Variants in CACNA1E observed in about 807,000 individuals in gnomAD.
CACNA1E encodes voltage-dependent R-type calcium channel subunit alpha-1E.
CACNA1E carries 40 observed loss-of-function variants against 259.2 expected under a neutral mutation model. The ratio of observed to expected loss-of-function variants is 0.15; its 90% CI spans 0.12 to 0.20. The LOEUF (loss-of-function observed/expected upper bound fraction) is 0.20, where lower values mean the gene tolerates loss of function less well. Ranked by LOEUF, CACNA1E falls within the 10% of genes least tolerant of loss-of-function variation. CACNA1E has a pLI of 1.00. For missense variants in CACNA1E, 1,874 were observed against 3,040.1 expected (o/e 0.62, Z 9.02); for synonymous variants, 1,104 against 1,138.5 (o/e 0.97, Z 0.61).
chr1:181,326,024 G>A (rs937538334), intron 1 of CACNA1E, among the ~76,000 whole-genome samples: 8 of 152,162 alleles, frequency 5.3e-5, no homozygotes, highest in African/African-American at 1.2e-4. Context: ...CTCCGCCGCC[G>A]GTTTCCTTGG....
chr1:181,353,870 T>C (rs1167702245), intron 1 of CACNA1E, among the ~76,000 whole-genome samples: 1 of 152,208 alleles, frequency 6.6e-6, no homozygotes, highest in Non-Finnish European at 1.5e-5. Context: ...AAGACCATTC[T>C]TACTCACAGG....
At chr1:181,572,471 G>A (rs146963002) in intron 3 of CACNA1E, among the ~76,000 whole-genome samples, 26 of 152,324 alleles carry the variant, frequency 1.7e-4, no homozygotes, top group Non-Finnish European at 2.6e-4. Flanking sequence ...ACTTGACTGT[G>A]TGCAGAACAT....
Position 181,738,402 on chromosome 1 carries a change from G to T in CACNA1E, c.3588G>T (p.Val1196=), listed in dbSNP as rs1344508592. 2.5e-6 allele frequency: 4 copies of T among 1,613,930 alleles called. No individual in the cohort carries two copies. Among genetic ancestry groups the T allele is most frequent in the East Asian group, 2.2e-5 (1 of 44,886 alleles). Residue 1196 remains valine, a synonymous_variant, in exon 24 of 48, where the codon GTG becomes GTT. Coordinates refer to ENST00000367573, the MANE Select transcript of CACNA1E (RefSeq NM_001205293.3). ...LRYFDYVFTG[V]FTFEMVIKMI... is the part of the protein sequence containing the mutation. ...ATTTTGACTATGTGTTCACGGGCGT[G>T]TTCACCTTTGAGATGGTTATAAAGG...
chr1:181,508,591 C>T (rs1265584646), intron 1 of CACNA1E, among the ~76,000 whole-genome samples: 2 of 152,162 alleles, frequency 1.3e-5, no homozygotes, highest in Admixed American at 6.5e-5. Flanking sequence ...GGTTGCTCTG[C>T]ATTTTTTCAG....
intron 28 of CACNA1E, among the ~76,000 whole-genome samples, chr1:181,755,716 T>C (rs1658030778): frequency 6.6e-6 from 1 of 152,222 alleles, no homozygotes; most frequent in East Asian, 1.9e-4. Flanking sequence ...TTTAAGCAAG[T>C]TGCTCAAGGT....
intron 3 of CACNA1E, among the ~76,000 whole-genome samples, chr1:181,552,236 T>C (rs1423550949): frequency 6.6e-6 from 1 of 152,174 alleles, no homozygotes; most frequent in Admixed American, 6.5e-5. Flanking sequence ...CCTCACACCC[T>C]TGGCTGATAC....
chr1:181,497,861 A>G (rs970469438), intron 1 of CACNA1E, among the ~76,000 whole-genome samples: 2 of 152,306 alleles, frequency 1.3e-5, no homozygotes, highest in Middle Eastern at 3.4e-3. Flanking sequence ...AAGAGCAACT[A>G]TCTCTTTCCC....
intron 43 of CACNA1E, among the ~76,000 whole-genome samples, chr1:181,787,154 C>G (rs1244049442): frequency 6.6e-6 from 1 of 152,100 alleles, no homozygotes; most frequent in Non-Finnish European, 1.5e-5. Context: ...GAGTCTCGCT[C>G]TGTTGCCCAG....
intron 3 of CACNA1E, among the ~76,000 whole-genome samples, chr1:181,565,885 G>GC (rs1233773684): frequency 2.8e-5 from 4 of 141,304 alleles, no homozygotes; most frequent in Non-Finnish European, 6.3e-5. Flanking sequence ...CTGGTCCTGG[G>GC]GGGTACCTGC....
rs2102936708 is a variant in CACNA1E, at chr1:181,804,114, T to TA, written c.*5281dup. On this transcript the variant is annotated 3_prime_UTR_variant, in exon 48 of 48. Coordinates refer to ENST00000367573, the MANE Select transcript of CACNA1E (RefSeq NM_001205293.3). ...TTTTTGGAGGTATGAAAGAGTTGAGTAGACCAAGTCAAAAGAGGTGTGGGG... is the reference window on the plus strand; with the variant it reads ...TTTTTGGAGGTATGAAAGAGTTGAGTAAGACCAAGTCAAAAGAGGTGTGGGG... 1 of 152,322 alleles carries TA rather than the reference T, an allele frequency of 6.6e-6. No individual in the cohort carries two copies. The highest frequency in any genetic ancestry group is 2.4e-5 in the African/African-American group (1 of 41,568). The allele number at this position is 152,322 out of a possible 1,614,324, so 9.4% of individuals were successfully genotyped here. A position where few individuals can be genotyped will look rare whatever the true frequency, so the allele number is the denominator to read the frequency against.
intron 16 of CACNA1E, among the ~76,000 whole-genome samples, chr1:181,723,635 T>C (rs1289809430): frequency 2.0e-5 from 3 of 152,214 alleles, no homozygotes; most frequent in African/African-American, 7.2e-5. Flanking sequence ...GACGATTGCA[T>C]GCCTCAGGTT....
chr1:181,409,671 G>A lies in CACNA1E; in HGVS notation c.-14-3462G>A, dbSNP rs1054732012. Among the ~76,000 whole-genome samples, 5 of 152,178 alleles carry A rather than the reference G, an allele frequency of 3.3e-5. No individual in the cohort carries two copies. In the South Asian group the frequency reaches 1.0e-3, roughly 32 times the overall value. On this transcript the variant is annotated intron_variant, in intron 1 of 11. Transcript: ENST00000524607. Reference sequence around the variant, plus strand: ...ATAGACTGGCTTGTCTGAATTGCTTGAGATCTCGGCTTGGTGCTAGCCAGA... The same window carrying A: ...ATAGACTGGCTTGTCTGAATTGCTTAAGATCTCGGCTTGGTGCTAGCCAGA...
chr1:181,713,321 C>A (rs989023018), intron 8 of CACNA1E, among the ~76,000 whole-genome samples: 8 of 152,180 alleles, frequency 5.3e-5, no homozygotes, highest in Non-Finnish European at 1.0e-4. Flanking sequence ...GGTATTTTAA[C>A]AAGTTCCTAA....
At chr1:181,779,021 T>A (rs1012046456) in intron 38 of CACNA1E, among the ~76,000 whole-genome samples, 2 of 152,244 alleles carry the variant, frequency 1.3e-5, no homozygotes, top group Non-Finnish European at 2.9e-5. Context: ...GTAATCAGTG[T>A]CTGTGAAAAG....
At chr1:181,378,225 T>C (rs1359835594) in intron 1 of CACNA1E, among the ~76,000 whole-genome samples, 1 of 152,170 alleles carries the variant, frequency 6.6e-6, no homozygotes, top group African/African-American at 2.4e-5. Flanking sequence ...CTGGCCAAGA[T>C]GGAGCAAAAA....
chr1:181,601,318 C>A (rs539654910), intron 6 of CACNA1E, among the ~76,000 whole-genome samples: 2 of 152,254 alleles, frequency 1.3e-5, no homozygotes, highest in East Asian at 3.9e-4. Context: ...ATTCTACAAA[C>A]CTTTATTGAG....
At chr1:181,349,109 A>AG (rs1571629210) in intron 1 of CACNA1E, among the ~76,000 whole-genome samples, 1 of 51,820 alleles carries the variant, frequency 1.9e-5, no homozygotes, top group South Asian at 6.1e-4. Flanking sequence ...AAGAGCAGGG[A>AG]GGGGGCGGGC....
Position 181,384,734 on chromosome 1 carries a change from A to G in CACNA1E, c.-14-28399A>G, listed in dbSNP as rs567534314. Among the ~76,000 whole-genome samples the G allele has an allele frequency of 2.0e-5, 3 of 152,100 alleles. No individual in the cohort carries two copies. In the East Asian group the frequency reaches 5.8e-4, roughly 29 times the overall value. On this transcript the variant is annotated intron_variant, in intron 1 of 11. Coordinates refer to the CACNA1E transcript ENST00000524607. ...TGTTCCCGGTACAAGCCCCTCCCAG[A>G]CCCTGCCATGTTCCATTCTGCCCTC...
chr1:181,785,450 G>A, intron 42 of CACNA1E, 32 bp downstream of exon 42: 2 of 1,443,934 alleles, frequency 1.4e-6, no homozygotes, highest in Non-Finnish European at 1.9e-6. Flanking sequence ...CTAAGTGGGT[G>A]GGCCATGAGG....
Sources: gnomAD v4.1 joint callset for allele counts (sites outside exome capture counted in the v4.1 genomes callset) on GRCh38, gnomAD v4.1.1 for gene constraint, MANE v1.5 for transcripts, NCBI Gene and HGNC (gene_info 2026-07-23, HGNC 2026-07-21) for gene names.